RBFOX2: variants seen among roughly 807,000 people sequenced by gnomAD.
RBFOX2 encodes RNA binding protein fox-1 homolog 2.
A neutral mutation model predicts 49.1 loss-of-function variants in RBFOX2; 10 were observed. The observed-to-expected ratio is 0.20, with a 90% CI of 0.13 to 0.35. The LOEUF (loss-of-function observed/expected upper bound fraction) is 0.35. RBFOX2 is among the 10% of genes least tolerant of loss of function. The pLI is 1.00. For synonymous variants in RBFOX2, 183 were observed against 187.4 expected (o/e 0.98, Z 0.19); for missense variants, 323 against 486.9 (o/e 0.66, Z 3.17).
At chr22:35,974,753 C>T (rs543543691) in intron 1 of RBFOX2, among the ~76,000 whole-genome samples, 5 of 152,122 alleles carry the variant, frequency 3.3e-5, no homozygotes, top group Non-Finnish European at 5.9e-5. Context: ...ACAATCCTAA[C>T]ACTACTTTCA....
exon 1 of RBFOX2, chr22:35,840,351 T>C: frequency 1.3e-6 from 2 of 1,552,700 alleles, no homozygotes; most frequent in South Asian, 1.2e-5. Flanking sequence ...TTTATACCGT[T>C]TTCCTTCCTT....
At chr22:35,771,973 G>T (rs1942795578) in intron 4 of RBFOX2, among the ~76,000 whole-genome samples, 1 of 152,096 alleles carries the variant, frequency 6.6e-6, no homozygotes, top group African/African-American at 2.4e-5. Context: ...GGAAAAAAAA[G>T]TCAGTAAAAT....
chr22:35,899,456 G>A (rs996111043), intron 1 of RBFOX2, among the ~76,000 whole-genome samples: 6 of 150,870 alleles, frequency 4.0e-5, no homozygotes, highest in Non-Finnish European at 7.4e-5. Flanking sequence ...AAACTCTTCT[G>A]TATGTTACCT....
chr22:35,781,730 G>A (rs1342471471), exon 3 of RBFOX2: 1 of 1,614,064 alleles, frequency 6.2e-7, no homozygotes, highest in Non-Finnish European at 8.5e-7. Context: ...GTCTGTCTGT[G>A]CTCCACCTTC....
chr22:35,744,184 T>C, exon 12 of RBFOX2: 1 of 1,606,148 alleles, frequency 6.2e-7, no homozygotes, highest in Non-Finnish European at 8.5e-7. Flanking sequence ...GCTGTCCCAT[T>C]TGCAGGGGTC....
intron 1 of RBFOX2, among the ~76,000 whole-genome samples, chr22:35,973,872 C>T (rs1328170705): frequency 6.6e-6 from 1 of 152,196 alleles, no homozygotes; most frequent in Non-Finnish European, 1.5e-5. Context: ...ACCTTGTGGG[C>T]AGGCTCCCTA....
intron 1 of RBFOX2, among the ~76,000 whole-genome samples, chr22:35,974,674 G>A (rs1414190273): frequency 6.6e-6 from 1 of 152,058 alleles, no homozygotes; most frequent in African/African-American, 2.4e-5. Context: ...GTGACAGAGC[G>A]AGACTCCGTA....
At chr22:35,873,953 G>T (rs1048775731) in intron 1 of RBFOX2, among the ~76,000 whole-genome samples, 1 of 152,168 alleles carries the variant, frequency 6.6e-6, no homozygotes, top group African/African-American at 2.4e-5. Context: ...GGGATTACAA[G>T]AGTGAGCCAT....
chr22:35,909,814 T>C (rs1353788927), intron 1 of RBFOX2, among the ~76,000 whole-genome samples: 6 of 152,220 alleles, frequency 3.9e-5, no homozygotes, highest in African/African-American at 1.4e-4. Context: ...GGTTTCGCCA[T>C]GTTGGCCAGG....
chr22:35,870,653 T>TA (rs1478575490), intron 1 of RBFOX2, among the ~76,000 whole-genome samples: 4 of 152,178 alleles, frequency 2.6e-5, no homozygotes, highest in Non-Finnish European at 5.9e-5. Context: ...AAGTGGCTGA[T>TA]AAAAGCAGGT....
At chr22:35,999,968 C>A (rs1443828799) in intron 1 of RBFOX2, 2 of 145,904 alleles carry the variant, frequency 1.4e-5, no homozygotes, top group African/African-American at 2.5e-5. Flanking sequence ...ACATCCAAAT[C>A]AAGAAATATA....
At chr22:35,937,098 C>T (rs902694705) in intron 1 of RBFOX2, among the ~76,000 whole-genome samples, 8 of 152,294 alleles carry the variant, frequency 5.3e-5, no homozygotes, top group Middle Eastern at 3.4e-3. Context: ...AGTTCTCAAC[C>T]GCACTACACA....
At chr22:35,768,391 A>G (rs1241949257) in intron 4 of RBFOX2, 42 bp from the exon 6 acceptor site, 1 of 1,503,118 alleles carries the variant, frequency 6.7e-7, no homozygotes, top group East Asian at 2.3e-5. Flanking sequence ...GCACATCGTT[A>G]TATTGAAATA....
At chr22:35,917,967 T>C (rs932559824) in intron 1 of RBFOX2, among the ~76,000 whole-genome samples, 3 of 152,192 alleles carry the variant, frequency 2.0e-5, no homozygotes, top group Non-Finnish European at 1.5e-5. Flanking sequence ...GCAAGAGCTA[T>C]AAGAAAATAA....
At chr22:35,885,415 T>C (rs533445518) in intron 1 of RBFOX2, among the ~76,000 whole-genome samples, 20 of 152,318 alleles carry the variant, frequency 1.3e-4, no homozygotes, top group African/African-American at 4.8e-4. Context: ...GAAATAATAC[T>C]TAACAATTCT....
At chr22:35,862,510 G>A (rs976142019) in intron 1 of RBFOX2, among the ~76,000 whole-genome samples, 3 of 152,068 alleles carry the variant, frequency 2.0e-5, no homozygotes, top group African/African-American at 7.2e-5. Flanking sequence ...CCCTGCTAGA[G>A]AACCCCTTTA....
intron 1 of RBFOX2, among the ~76,000 whole-genome samples, chr22:35,827,497 A>G (rs1956005977): frequency 6.6e-6 from 1 of 152,114 alleles, no homozygotes; most frequent in Non-Finnish European, 1.5e-5. Flanking sequence ...CTATCCTACC[A>G]CTAAACCTCA....
At chr22:35,841,556 G>A (rs908803339), upstream of RBFOX2, among the ~76,000 whole-genome samples, 9 of 152,104 alleles carry the variant, frequency 5.9e-5, no homozygotes, top group African/African-American at 2.2e-4. Context: ...TTTATCAGTT[G>A]TCTCATAAAA....
chr22:35,991,034 G>T (rs955964815), intron 1 of RBFOX2, among the ~76,000 whole-genome samples: 1 of 151,892 alleles, frequency 6.6e-6, no homozygotes, highest in Non-Finnish European at 1.5e-5. Flanking sequence ...CTGAGGCAGG[G>T]GGATCACTTG....
Sources: gnomAD v4.1 joint callset for allele counts (sites outside exome capture counted in the v4.1 genomes callset) on GRCh38, gnomAD v4.1.1 for gene constraint, MANE v1.5 for transcripts, NCBI Gene and HGNC (gene_info 2026-07-23, HGNC 2026-07-21) for gene names.